The following ZBTB38 variants were observed in gnomAD, a reference collection of about 807,000 sequenced individuals.
ZBTB38 encodes the protein zinc finger and BTB domain containing 38.
Under a neutral mutation model 76.8 loss-of-function variants are expected in ZBTB38, and 20 were observed. That is an observed-to-expected ratio of 0.26 (90% CI 0.18 to 0.38). ZBTB38 has a LOEUF of 0.38. ZBTB38 is among the 10% of genes least tolerant of loss of function. ZBTB38 has a pLI of 1.00. For missense variants in ZBTB38, 1,082 were observed against 1,482.3 expected, an observed-to-expected ratio of 0.73 and a Z score of 4.43; for synonymous variants, 504 against 544.2, an observed-to-expected ratio of 0.93 and a Z score of 1.03.
At chr3:141,423,443 C>T (rs1010161791) in intron 5 of ZBTB38, among the ~76,000 whole-genome samples, 5 of 152,172 alleles carry the variant, frequency 3.3e-5, no homozygotes, top group African/African-American at 1.2e-4. Context: ...GCTGTGTCCA[C>T]TTTATAGTTT....
Position 141,443,625 on chromosome 3 carries a change from C to A in ZBTB38, c.1237C>A (p.Pro413Thr). 6.2e-7 allele frequency: 1 copy of A among 1,614,200 alleles called. No individual in the cohort carries two copies. ...AAACCAACGCTTTTTAGAAAACTAT[C>A]CTACCATTGGACAAAATGGAGGTTC... ...GGNQRFLENY[P>T]TIGQNGGSFT... is the part of the protein sequence containing the mutation. The change falls in exon 6 of 6, where the codon CCT becomes ACT. Residue 413 changes from proline to threonine, a missense_variant. Pro to Thr is a conservative substitution (Grantham distance 38). Around this residue, in one of 8 missense-constraint regions of ZBTB38, gnomAD observed 324 missense variants for 359.1 expected, o/e 0.90. Coordinates refer to ENST00000321464, the MANE Select transcript of ZBTB38 (RefSeq NM_001376113.1). The surrounding 1 kb of genome is among the most constrained non-coding windows in gnomAD (Gnocchi z 5.6).
intron 5 of ZBTB38, chr3:141,405,597 G>C (rs887664711): frequency 1.3e-5 from 2 of 152,212 alleles, no homozygotes; most frequent in African/African-American, 4.8e-5. Flanking sequence ...TAGAAAATTA[G>C]AGATAGCTCT....
At chr3:141,426,864 GGTTCA>G (rs1326318751) in intron 5 of ZBTB38, among the ~76,000 whole-genome samples, 1 of 152,172 alleles carries the variant, frequency 6.6e-6, no homozygotes, top group East Asian at 1.9e-4. Flanking sequence ...CCAGAGCTGT[GGTTCA>G]GTGTTTTAAC....
At chr3:141,427,539 C>T (rs1393137404) in intron 5 of ZBTB38, 1 of 152,434 alleles carries the variant, frequency 6.6e-6, no homozygotes, top group Non-Finnish European at 1.5e-5. Context: ...GAGGTCAGAT[C>T]ACAGGGGACC....
intron 1 of ZBTB38, among the ~76,000 whole-genome samples, chr3:141,331,777 G>A (rs1576631305): frequency 6.6e-6 from 1 of 152,308 alleles, no homozygotes; most frequent in Admixed American, 6.5e-5. Flanking sequence ...GATCTGAGAA[G>A]CGCTGACCGA....
chr3:141,346,455 T>C (rs1943356528), intron 1 of ZBTB38, among the ~76,000 whole-genome samples: 2 of 152,158 alleles, frequency 1.3e-5, no homozygotes, highest in African/African-American at 4.8e-5. Flanking sequence ...TCCTCCCTTC[T>C]ACCCATTTTT....
At chr3:141,374,424 G>A (rs1945060199) in intron 2 of ZBTB38, among the ~76,000 whole-genome samples, 1 of 152,058 alleles carries the variant, frequency 6.6e-6, no homozygotes, top group Non-Finnish European at 1.5e-5. Context: ...CATTCTATGG[G>A]GCTCCCAGTG....
Position 141,446,949 on chromosome 3 carries a change from G to C in ZBTB38, c.*973G>C, listed in dbSNP as rs1367831601. On this transcript the variant is annotated 3_prime_UTR_variant, in exon 6 of 6. Transcript: ENST00000321464. ...CTCTGCAGTCTTCCAACCACCACAAGGCCATGGATGTGGGGGTCTATTCCA... is the reference window on the plus strand; with the variant it reads ...CTCTGCAGTCTTCCAACCACCACAACGCCATGGATGTGGGGGTCTATTCCA... 1.3e-5 allele frequency: 2 copies of C among 151,136 alleles called. No homozygotes were observed. Among genetic ancestry groups the C allele is most frequent in the African/African-American group, 5.0e-5 (2 of 39,930 alleles). 9.4% of individuals were successfully genotyped at this position (151,136 alleles called of 1,614,324 possible).
At chr3:141,338,099 T>G (rs1320181721) in intron 1 of ZBTB38, among the ~76,000 whole-genome samples, 1 of 152,142 alleles carries the variant, frequency 6.6e-6, no homozygotes, top group Non-Finnish European at 1.5e-5. Flanking sequence ...AGATACCACC[T>G]TGCACCATCA....
chr3:141,324,254 A>G (rs1221216511), exon 1 of ZBTB38: 1 of 152,202 alleles, frequency 6.6e-6, no homozygotes, highest in Non-Finnish European at 1.5e-5. Flanking sequence ...GCCCTACCAA[A>G]TGAATATGGG....
rs2081038017 is a variant in ZBTB38, at chr3:141,445,852, A to G, written c.3464A>G (p.Gln1155Arg). 1.2e-6 allele frequency: 2 copies of G among 1,613,868 alleles called. No individual in the cohort carries two copies. Among genetic ancestry groups the G allele is most frequent in the Non-Finnish European group, 1.7e-6 (2 of 1,180,038 alleles). ...KKHLFKSPSQ[Q>R]EKIGDVCHEN... The stretch of plus-strand genomic sequence containing the variant: ...CACTTATTCAAAAGCCCAAGTCAGC[A>G]GGAGAAAATAGGTGACGTGTGCCAC... Residue 1155 changes from glutamine to arginine, a missense_variant, in exon 6 of 6, where the codon CAG becomes CGG. Coordinates refer to ENST00000321464, the MANE Select transcript of ZBTB38 (RefSeq NM_001376113.1). The surrounding 1 kb of genome is among the most constrained non-coding windows in gnomAD (Gnocchi z 6.5).
At chr3:141,429,066 G>A (rs1293153661) in intron 5 of ZBTB38, among the ~76,000 whole-genome samples, 2 of 152,178 alleles carry the variant, frequency 1.3e-5, no homozygotes, top group African/African-American at 4.8e-5. Flanking sequence ...AGATATGTCA[G>A]TGAAGAAAAT....
At position 141,413,860 on chromosome 3, in the gene ZBTB38, T is replaced by TA. The variant is rs2073261713; in HGVS notation, c.-1+9830dup. 6.6e-6 allele frequency among the ~76,000 whole-genome samples: 1 copy of TA among 152,228 alleles called. No individual in the cohort carries two copies. Among genetic ancestry groups the TA allele is most frequent in the Non-Finnish European group, 1.5e-5 (1 of 68,044 alleles). ...ACCTGCCACTCTGTCTCTGAAGATT[T>TA]ACGTAGAGAAATTTTCCCCATAGGA... On this transcript the variant is annotated intron_variant, in intron 5 of 5. Coordinates refer to ENST00000321464, the MANE Select transcript of ZBTB38 (RefSeq NM_001376113.1). This position sits in a 1 kb window ranked among gnomAD's most constrained non-coding sequence, Gnocchi z 4.1.
chr3:141,399,264 T>TCC (rs771211432), intron 4 of ZBTB38, among the ~76,000 whole-genome samples: 46 of 152,258 alleles, frequency 3.0e-4, no homozygotes, highest in Non-Finnish European at 6.0e-4. Flanking sequence ...CCATCCCCAT[T>TCC]CCCCACCTCC....
At chr3:141,354,302 T>G (rs1943601258) in intron 1 of ZBTB38, among the ~76,000 whole-genome samples, 1 of 152,142 alleles carries the variant, frequency 6.6e-6, no homozygotes, top group Non-Finnish European at 1.5e-5. Context: ...AAAACCCAGC[T>G]GCCCAGTGTC....
At chr3:141,375,395 A>G (rs771818496) in intron 2 of ZBTB38, among the ~76,000 whole-genome samples, 23 of 152,194 alleles carry the variant, frequency 1.5e-4, no homozygotes, top group Non-Finnish European at 2.6e-4. Flanking sequence ...TCCTGAGGCA[A>G]CGCCCTGCCT....
chr3:141,381,960 G>A (rs1025080248), intron 3 of ZBTB38, among the ~76,000 whole-genome samples: 5 of 152,128 alleles, frequency 3.3e-5, no homozygotes, highest in Non-Finnish European at 7.4e-5. Context: ...AAATAAAGCA[G>A]TAAATTTGGT....
At chr3:141,436,602 A>T (rs1173046145) in intron 5 of ZBTB38, among the ~76,000 whole-genome samples, 1 of 151,992 alleles carries the variant, frequency 6.6e-6, no homozygotes, top group Non-Finnish European at 1.5e-5. Flanking sequence ...GGTTCAAGCG[A>T]TTCTCCTTCC....
At chr3:141,346,565 C>T (rs1943359807) in intron 1 of ZBTB38, among the ~76,000 whole-genome samples, 2 of 152,128 alleles carry the variant, frequency 1.3e-5, no homozygotes, top group African/African-American at 4.8e-5. Flanking sequence ...GCGCGGTTGG[C>T]AGCTCCATAT....
Sources: allele counts gnomAD v4.1 joint callset (sites outside exome capture counted in the v4.1 genomes callset), GRCh38; gene constraint gnomAD v4.1.1; regional missense constraint gnomAD v4.1.1; non-coding constraint Gnocchi (gnomAD v3.1); transcripts MANE v1.5; gene names NCBI Gene and HGNC (gene_info 2026-07-23, HGNC 2026-07-21).